Variants in RRM2 observed in about 807,000 individuals in gnomAD.
RRM2 encodes ribonucleoside-diphosphate reductase subunit M2.
RRM2 carries 6 observed loss-of-function variants against 45.9 expected under a neutral mutation model. That is an observed-to-expected ratio of 0.13 (90% CI 0.07 to 0.26). The LOEUF is 0.26. Among genes scored for constraint, RRM2 ranks in the 10% least tolerant of loss-of-function variants. The pLI, the probability that RRM2 is intolerant of heterozygous loss-of-function variation, is 1.00. For synonymous variants in RRM2, 177 were observed against 173.0 expected (o/e 1.02, Z -0.18); for missense variants, 343 against 489.5 (o/e 0.70, Z 2.82).
rs1036084488 is a variant in RRM2, at chr2:10,172,382, C to T, written n.482+30007C>T. 2.6e-5 allele frequency among the ~76,000 whole-genome samples: 4 copies of T among 152,100 alleles called. No homozygotes were observed. Among genetic ancestry groups the T allele is most frequent in the Admixed American group, 6.5e-5 (1 of 15,268 alleles). On this transcript the variant is annotated intron_variant and non_coding_transcript_variant, in intron 3 of 3. Transcript: ENST00000381786. The surrounding 1 kb of genome is among the most constrained non-coding windows in gnomAD (Gnocchi z 4.9). ...CCGGAGGGACCAGGGGAGGGGCGGA[C>T]GGAGGACACTGCTTCTGCAGCGCTC... is the stretch of plus-strand genomic sequence containing the variant.
At chr2:10,177,282 A>T (rs1572518957) in intron 3 of RRM2, among the ~76,000 whole-genome samples, 2 of 19,764 alleles carry the variant, frequency 1.0e-4, no homozygotes, top group South Asian at 1.7e-3. Flanking sequence ...AAAATAGAAT[A>T]AAAAAAAATA....
chr2:10,144,977 G>C (rs1385600646), intron 3 of RRM2, among the ~76,000 whole-genome samples: 3 of 152,236 alleles, frequency 2.0e-5, no homozygotes, highest in Non-Finnish European at 4.4e-5. Flanking sequence ...GAGCCCCCAA[G>C]GCTGCTGGGG....
At chr2:10,122,934 G>A in intron 1 of RRM2, 37 bp downstream of exon 1, 2 of 1,551,406 alleles carry the variant, frequency 1.3e-6, no homozygotes, top group Non-Finnish European at 1.7e-6. Context: ...GCAGGGGAGG[G>A]AGGCAGGGAA....
intron 3 of RRM2, among the ~76,000 whole-genome samples, chr2:10,196,070 T>C (rs1664408336): frequency 6.6e-6 from 1 of 152,090 alleles, no homozygotes; most frequent in Admixed American, 6.5e-5. Flanking sequence ...AGCTGTTATA[T>C]GCTGTGGTCA....
intron 3 of RRM2, among the ~76,000 whole-genome samples, chr2:10,181,042 C>T (rs1466709576): frequency 2.0e-5 from 3 of 152,172 alleles, no homozygotes; most frequent in Admixed American, 6.5e-5. Flanking sequence ...GCTGGGATTA[C>T]AGGTGTGAGC....
rs1662858858 is a variant in RRM2 at position 10,129,757 on chromosome 2, A to T, written c.*371A>T. On this transcript the variant is annotated 3_prime_UTR_variant, in exon 10 of 10. Transcript: ENST00000304567. The surrounding 1 kb of genome is among the most constrained non-coding windows in gnomAD (Gnocchi z 4.8). The stretch of plus-strand genomic sequence containing the variant: ...AGATTTTAATGTTTACTTAAATATA[A>T]ACCTGGCACTTTACAAACAAATAAA... 1 of 181,552 alleles carries T rather than the reference A, an allele frequency of 5.5e-6. No individual in the cohort carries two copies. The highest frequency in any genetic ancestry group is 2.4e-5 in the African/African-American group (1 of 42,508). The allele number at this position is 181,552 out of a possible 1,614,324, so 11.2% of individuals were successfully genotyped here.
At chr2:10,160,482 C>G (rs1325714226) in intron 3 of RRM2, among the ~76,000 whole-genome samples, 4 of 152,342 alleles carry the variant, frequency 2.6e-5, no homozygotes. Context: ...CTGTGTGGAA[C>G]CCAGCAAGGG....
At chr2:10,175,777 A>G (rs1572518088) in intron 3 of RRM2, among the ~76,000 whole-genome samples, 2 of 146,244 alleles carry the variant, frequency 1.4e-5, no homozygotes, top group South Asian at 4.3e-4. Flanking sequence ...TTTTTTTTTG[A>G]TATTTTTTAA....
chr2:10,122,921 C>T (rs1388560402), intron 1 of RRM2, 24 bp downstream of exon 1: 6 of 1,557,258 alleles, frequency 3.9e-6, no homozygotes, highest in East Asian at 2.3e-5. Context: ...GAGGGCGCTG[C>T]GGGCAGGGGA....
At chr2:10,142,678 A>C (rs1663109808) in intron 3 of RRM2, among the ~76,000 whole-genome samples, 7 of 149,390 alleles carry the variant, frequency 4.7e-5, no homozygotes, top group South Asian at 2.1e-4. Context: ...CAGATCCCCC[A>C]CCCCACCTTC....
At chr2:10,124,662 C>T in intron 4 of RRM2, 55 bp from the exon 5 acceptor site, 1 of 1,603,256 alleles carries the variant, frequency 6.2e-7, no homozygotes, top group Non-Finnish European at 8.5e-7. Flanking sequence ...TATCCGTTGA[C>T]AGTTGCTGCT....
In RRM2 at chr2:10,123,522, G is replaced by T. The variant is rs1313396687; in HGVS notation, c.310G>T (p.Ala104Ser). ...GAAGGCAGAGGCTTCCTTTTGGACC[G>T]CCGAGGAGGTAATCGGAGGACCCCA... ...YKKAEASFWT[A>S]EEVDLSKDIQ... The change falls in exon 3 of 10, where the codon GCC (alanine) becomes TCC (serine). Residue 104 changes from alanine (A) to serine (S), a missense_variant. Physicochemically the swap from Ala to Ser is moderately conservative, Grantham distance 99. Coordinates refer to ENST00000304567, the MANE Select transcript of RRM2 (RefSeq NM_001034.4). 1 of 1,612,122 alleles carries T rather than the reference G, an allele frequency of 6.2e-7. No individual in the cohort carries two copies. Among genetic ancestry groups the T allele is most frequent in the South Asian group, 1.1e-5 (1 of 90,990 alleles).
rs1410007213 is a variant in RRM2, at chr2:10,122,778, C to T, written c.-21C>T. On this transcript the variant is annotated 5_prime_UTR_variant, in exon 1 of 10. Transcript: ENST00000304567. ...AGCCGTCCTGTCCTGGCTGCTCGCT[C>T]TGCTTCGCTGCGCCTCCACTATGCT... The T allele has an allele frequency of 3.8e-6, 6 of 1,570,502 alleles. No homozygotes were observed. The highest frequency in any genetic ancestry group is 4.3e-6 in the Non-Finnish European group (5 of 1,158,738).
At chr2:10,209,598 CGT>C (rs901389051) in intron 3 of RRM2, among the ~76,000 whole-genome samples, 2 of 113,274 alleles carry the variant, frequency 1.8e-5, no homozygotes, top group African/African-American at 3.0e-5. Context: ...TGTGCGCGCG[CGT>C]GTGTGTGCGT....
intron 3 of RRM2, chr2:10,199,010 T>G (rs1664476837): frequency 6.6e-6 from 1 of 152,178 alleles, no homozygotes; most frequent in South Asian, 2.1e-4. Flanking sequence ...TGCTGCTGTT[T>G]GTCCAAAATG....
intron 7 of RRM2, 45 bp from the exon 8 acceptor site, chr2:10,128,803 G>T: frequency 7.6e-7 from 1 of 1,314,322 alleles, no homozygotes; most frequent in South Asian, 1.2e-5. Context: ...CCATGTTAAT[G>T]ACAGAAGTCT....
intron 3 of RRM2, among the ~76,000 whole-genome samples, chr2:10,188,017 C>A (rs1211932293): frequency 6.6e-6 from 1 of 152,162 alleles, no homozygotes; most frequent in Non-Finnish European, 1.5e-5. Flanking sequence ...GCGATCTGTG[C>A]GTTAACACAT....
intron 3 of RRM2, among the ~76,000 whole-genome samples, chr2:10,150,241 A>C (rs1347320510): frequency 1.3e-5 from 2 of 151,960 alleles, no homozygotes; most frequent in Admixed American, 6.6e-5. Flanking sequence ...AGGTCAGGAG[A>C]TCGAGACCAT....
chr2:10,164,422 ACATTTTATCAT>A (rs1663638807), intron 3 of RRM2, among the ~76,000 whole-genome samples: 1 of 152,166 alleles, frequency 6.6e-6, no homozygotes, highest in Admixed American at 6.5e-5. Context: ...AGTGCTCAAT[ACATTTTATCAT>A]CATTGTTATT....
Sources: allele counts gnomAD v4.1 joint callset (sites outside exome capture counted in the v4.1 genomes callset), GRCh38; gene constraint gnomAD v4.1.1; non-coding constraint Gnocchi (gnomAD v3.1); transcripts MANE v1.5; gene names NCBI Gene and HGNC (gene_info 2026-07-23, HGNC 2026-07-21).